KCNQ3: variants seen among roughly 807,000 people sequenced by gnomAD.
KCNQ3 encodes potassium voltage-gated channel subfamily Q member 3.
A neutral mutation model predicts 92.5 loss-of-function variants in KCNQ3; 30 were observed. The ratio of observed to expected loss-of-function variants is 0.32; its 90% CI spans 0.24 to 0.44. The LOEUF is 0.44. Ranked by LOEUF, KCNQ3 falls within the 20% of genes least tolerant of loss-of-function variation. The pLI is 1.00. For missense variants in KCNQ3, 913 were observed against 1,140.3 expected (o/e 0.80, Z 2.87); for synonymous variants, 450 against 468.8 (o/e 0.96, Z 0.52).
intron 1 of KCNQ3, among the ~76,000 whole-genome samples, chr8:132,458,909 T>A (rs1383786720): frequency 6.6e-6 from 1 of 152,240 alleles, no homozygotes; most frequent in East Asian, 1.9e-4. Context: ...TTAACTAAAG[T>A]CCATACTTTA....
At position 132,127,825 on chromosome 8, in the gene KCNQ3, G is replaced by A. The variant is rs776856209; in HGVS notation, c.*1437C>T. ...ATGGCTTGTGCTTAATATCACACCT[G>A]TACAGTAGGGCAGTGCTTCCCAGGC... On this transcript the variant is annotated 3_prime_UTR_variant, in exon 15 of 15. Transcript: ENST00000388996. 2.6e-5 allele frequency: 4 copies of A among 152,168 alleles called. No homozygotes were observed. Among genetic ancestry groups the A allele is most frequent in the Non-Finnish European group, 5.9e-5 (4 of 68,028 alleles). 9.4% of individuals were successfully genotyped at this position (152,168 alleles called of 1,614,324 possible).
At chr8:132,192,983 C>T (rs1365958000) in intron 1 of KCNQ3, among the ~76,000 whole-genome samples, 1 of 152,166 alleles carries the variant, frequency 6.6e-6, no homozygotes, top group Admixed American at 6.5e-5. Context: ...TTCCTCTGCT[C>T]TTCTCTTACT....
intron 1 of KCNQ3, among the ~76,000 whole-genome samples, chr8:132,242,931 T>C (rs1309307261): frequency 6.6e-6 from 1 of 152,214 alleles, no homozygotes; most frequent in East Asian, 1.9e-4. Flanking sequence ...CTGGGTTTAA[T>C]GAATTTTAGA....
chr8:132,419,081 TGAGAA>T (rs1820897554), intron 1 of KCNQ3, among the ~76,000 whole-genome samples: 1 of 152,280 alleles, frequency 6.6e-6, no homozygotes, highest in Non-Finnish European at 1.5e-5. Context: ...GCAACATCAC[TGAGAA>T]GAGATCCATC....
intron 1 of KCNQ3, among the ~76,000 whole-genome samples, chr8:132,305,872 G>T (rs530067404): frequency 8.3e-5 from 11 of 131,884 alleles, no homozygotes; most frequent in East Asian, 2.4e-4. Context: ...TTTTTGGGGG[G>T]TTTTTTGTTT....
At chr8:132,212,989 C>T (rs1813907758) in intron 1 of KCNQ3, among the ~76,000 whole-genome samples, 1 of 152,198 alleles carries the variant, frequency 6.6e-6, no homozygotes, top group Non-Finnish European at 1.5e-5. Flanking sequence ...CCTCTGTATT[C>T]ACTAGAGTTC....
At chr8:132,432,743 T>C (rs1014572966) in intron 1 of KCNQ3, among the ~76,000 whole-genome samples, 1 of 152,220 alleles carries the variant, frequency 6.6e-6, no homozygotes, top group Non-Finnish European at 1.5e-5. Flanking sequence ...CTGGACACAC[T>C]GCACTTACCA....
chr8:132,480,030 C>G (rs1587059782), intron 1 of KCNQ3, 117 bp downstream of exon 1: 3 of 1,007,004 alleles, frequency 3.0e-6, no homozygotes, highest in East Asian at 2.6e-5. Context: ...CTGGTCTCCC[C>G]TTCAGCGGGA....
At chr8:132,234,254 T>A (rs540959985) in intron 1 of KCNQ3, among the ~76,000 whole-genome samples, 3 of 152,180 alleles carry the variant, frequency 2.0e-5, no homozygotes, top group East Asian at 1.9e-4. Context: ...CAGGTCTCAC[T>A]TAGTCTTTGC....
intron 1 of KCNQ3, among the ~76,000 whole-genome samples, chr8:132,298,727 T>C (rs998559111): frequency 7.2e-5 from 11 of 152,108 alleles, no homozygotes; most frequent in African/African-American, 2.7e-4. Context: ...GCCAACATGG[T>C]GAAAACCCAT....
In KCNQ3 at chr8:132,388,222, T is replaced by A. The variant is rs1017625948; in HGVS notation, c.386+91925A>T. 2.0e-5 allele frequency among the ~76,000 whole-genome samples: 3 copies of A among 152,340 alleles called. 1 individual carries two copies. The highest frequency in any genetic ancestry group is 3.4e-3 in the Middle Eastern group (1 of 294). On this transcript the variant is annotated intron_variant, in intron 1 of 14. Transcript: ENST00000388996. ...TGCAAAAGATTCTGGAAAAGAGGCATAGTCGTTGTTTGCTCGTTAAATTTT... is the reference window on the plus strand; with the variant it reads ...TGCAAAAGATTCTGGAAAAGAGGCAAAGTCGTTGTTTGCTCGTTAAATTTT...
intron 10 of KCNQ3, chr8:132,140,612 TG>T: frequency 4.2e-6 from 1 of 239,360 alleles, no homozygotes; most frequent in Non-Finnish European, 8.2e-6. Flanking sequence ...TCAGAGGCCT[TG>T]GAGAGAACTG....
In KCNQ3 at chr8:132,124,734, C is replaced by G. The variant is rs769759916; in HGVS notation, c.*4528G>C. On this transcript the variant is annotated 3_prime_UTR_variant, in exon 15 of 15. Coordinates refer to ENST00000388996, the MANE Select transcript of KCNQ3 (RefSeq NM_004519.4). ...TTAAAAGTTCATCCTGAAAAACAAG[C>G]CTTCAAGGACAAGTGAGGACATGAA... 1 of 152,174 alleles carries G rather than the reference C, an allele frequency of 6.6e-6. No individual in the cohort carries two copies. Among genetic ancestry groups the G allele is most frequent in the Admixed American group, 6.5e-5 (1 of 15,274 alleles). The allele number at this position is 152,174 out of a possible 1,614,324, so 9.4% of individuals were successfully genotyped here. A position where few individuals can be genotyped will look rare whatever the true frequency, so the allele number is the denominator to read the frequency against.
chr8:132,445,381 C>T (rs1821648569), intron 1 of KCNQ3, among the ~76,000 whole-genome samples: 1 of 152,098 alleles, frequency 6.6e-6, no homozygotes, highest in Admixed American at 6.6e-5. Flanking sequence ...GTGGCTTTCC[C>T]GCCTCTCTCC....
At position 132,137,605 on chromosome 8, in the gene KCNQ3, C is replaced by T. The variant is rs574263438; in HGVS notation, c.1700+280G>A. On this transcript the variant is annotated intron_variant, in intron 12 of 14. Transcript: ENST00000388996. ...GATGATCCTGTTTTGTTGGCAACAT[C>T]GAAAGCATCACAGTCAGAAGCCATT... 2.6e-5 allele frequency among the ~76,000 whole-genome samples: 4 copies of T among 152,272 alleles called. No individual in the cohort carries two copies. The South Asian group carries it at 6.2e-4, about 24-fold the overall frequency.
chr8:132,318,609 G>A (rs11786788), intron 1 of KCNQ3, among the ~76,000 whole-genome samples: 74,108 of 151,496 alleles, frequency 0.49, 18,520 homozygotes, highest in East Asian at 0.65. Context: ...GTTGCAGCTC[G>A]CTTGTCAGCG....
intron 1 of KCNQ3, among the ~76,000 whole-genome samples, chr8:132,421,569 C>T (rs969724593): frequency 3.3e-5 from 5 of 152,136 alleles, no homozygotes; most frequent in Admixed American, 2.6e-4. Context: ...GGGGGATTCA[C>T]TTGGGGCAGA....
At chr8:132,436,166 T>C (rs1403607612) in intron 1 of KCNQ3, among the ~76,000 whole-genome samples, 1 of 152,228 alleles carries the variant, frequency 6.6e-6, no homozygotes, top group African/African-American at 2.4e-5. Context: ...TAATGTAGTT[T>C]CTTAGTTTTT....
In KCNQ3 at chr8:132,313,733, A is replaced by G. The variant is rs532812314; in HGVS notation, c.387-127552T>C. Among the ~76,000 whole-genome samples, 277 of 152,330 alleles carry G rather than the reference A, an allele frequency of 1.8e-3. 1 individual carries two copies. The highest frequency in any genetic ancestry group is 3.5e-3 in the Non-Finnish European group (241 of 68,032). ...AGTAATTCAATATTATCCTTTTGAA[A>G]AATATAGTCAGAATAATTAGAACCA... On this transcript the variant is annotated intron_variant, in intron 1 of 14. Coordinates refer to ENST00000388996, the MANE Select transcript of KCNQ3 (RefSeq NM_004519.4).
Sources: allele counts gnomAD v4.1 joint callset (sites outside exome capture counted in the v4.1 genomes callset), GRCh38; gene constraint gnomAD v4.1.1; transcripts MANE v1.5; gene names NCBI Gene and HGNC (gene_info 2026-07-23, HGNC 2026-07-21).